ARFGAP1: variants seen among roughly 807,000 people sequenced by gnomAD.
The protein encoded by ARFGAP1 is ARF GTPase activating protein 1, also known as ADP-ribosylation factor GTPase-activating protein 1.
A neutral mutation model predicts 54.0 loss-of-function variants in ARFGAP1; 26 were observed. The ratio of observed to expected loss-of-function variants is 0.48; its 90% CI spans 0.35 to 0.67. ARFGAP1 has a LOEUF of 0.67. Ranked by LOEUF, ARFGAP1 falls within the 30% of genes least tolerant of loss-of-function variation. ARFGAP1 has a pLI of 0.00. For synonymous variants in ARFGAP1, 248 were observed against 211.9 expected (o/e 1.17, Z -1.48); for missense variants, 525 against 535.8 (o/e 0.98, Z 0.20).
At position 63,288,207 on chromosome 20, in the gene ARFGAP1, C is replaced by A. The variant is rs1384190817; in HGVS notation, c.*334C>A. The A allele has an allele frequency of 2.3e-5, 13 of 564,718 alleles. No individual in the cohort carries two copies. The East Asian group carries it at 4.8e-4, about 21-fold the overall frequency. 35.0% of individuals were successfully genotyped at this position (564,718 alleles called of 1,614,324 possible). On this transcript the variant is annotated 3_prime_UTR_variant, in exon 13 of 13. Transcript: ENST00000370283. ...TGTGACTGCGTTCCAGCGGCCAGTT[C>A]ACTACGCAGTATCTCTGGGGCCTGG...
Position 63,283,647 on chromosome 20 carries a change from G to A in ARFGAP1, c.717+796G>A. 3 of 531,126 alleles carry A rather than the reference G, an allele frequency of 5.6e-6. No homozygotes were observed. In the East Asian group the frequency reaches 9.8e-5, roughly 17 times the overall value. 32.9% of individuals were successfully genotyped at this position (531,126 alleles called of 1,614,324 possible). A position where few individuals can be genotyped will look rare whatever the true frequency, so the allele number is the denominator to read the frequency against. ...TTTTTCGTGGGCCTCCCAGGGTCCT[G>A]AGGTGCAGTCGCTCGCGCAGTTTCT... is the stretch of plus-strand genomic sequence containing the variant. On this transcript the variant is annotated intron_variant, in intron 9 of 12. Coordinates refer to ENST00000370283, the MANE Select transcript of ARFGAP1 (RefSeq NM_018209.4).
At chr20:63,283,497 C>A (rs770046804) in intron 9 of ARFGAP1, 5 of 320,358 alleles carry the variant, frequency 1.6e-5, no homozygotes, top group Non-Finnish European at 2.9e-5. Flanking sequence ...CGCCTTTGCC[C>A]CCTGGGCGAG....
intron 9 of ARFGAP1, 149 bp downstream of exon 9, chr20:63,283,000 C>T (rs1354475969): frequency 4.7e-6 from 4 of 844,048 alleles, no homozygotes; most frequent in Non-Finnish European, 7.6e-6. Flanking sequence ...GTGTTCCTGC[C>T]ATGCTGTTCC....
intron 9 of ARFGAP1, chr20:63,284,169 G>A (rs952466697): frequency 1.9e-5 from 25 of 1,304,576 alleles, no homozygotes; most frequent in Admixed American, 7.5e-5. Context: ...GCCTGCTGCC[G>A]GGGAGGTGCT....
chr20:63,278,226 C>T (rs200992487), intron 6 of ARFGAP1, 23 bp downstream of exon 6: 34 of 1,610,518 alleles, frequency 2.1e-5, no homozygotes, highest in East Asian at 1.8e-4. Flanking sequence ...GAGCTGGGGA[C>T]GCCTGGCGTG....
In ARFGAP1 at chr20:63,288,029, G is replaced by A. The variant is rs1490189561; in HGVS notation, c.*156G>A. 30 of 907,204 alleles carry A rather than the reference G, an allele frequency of 3.3e-5. No individual in the cohort carries two copies. The highest frequency in any genetic ancestry group is 1.0e-4 in the African/African-American group (6 of 59,756). 56.2% of individuals were successfully genotyped at this position (907,204 alleles called of 1,614,324 possible). Reference sequence around the variant, plus strand: ...GGACCCTAGGGAGACCCGGGTGTGCGCCGCCTGCGCGTGGGGAGTCTTCGG... The same window carrying A: ...GGACCCTAGGGAGACCCGGGTGTGCACCGCCTGCGCGTGGGGAGTCTTCGG... On this transcript the variant is annotated 3_prime_UTR_variant, in exon 13 of 13. Coordinates refer to ENST00000370283, the MANE Select transcript of ARFGAP1 (RefSeq NM_018209.4).
rs199904426 is a variant in ARFGAP1, at chr20:63,287,690, C to T, written c.1038C>T (p.Ser346=). ...EPTKTRKSPS[S]DSWTCADTST... is the part of the protein sequence containing the mutation. ...CCAAGACCCGCAAGTCCCCGAGCAGCGACAGCTGGACGTGCGCGGACACCT... is the reference window on the plus strand; with the variant it reads ...CCAAGACCCGCAAGTCCCCGAGCAGTGACAGCTGGACGTGCGCGGACACCT... The change falls in exon 13 of 13, where the codon AGC becomes AGT. Residue 346 remains serine (S), a synonymous_variant. Transcript: ENST00000370283. 1.4e-5 allele frequency: 23 copies of T among 1,612,368 alleles called. No individual in the cohort carries two copies. The highest frequency in any genetic ancestry group is 1.1e-4 in the East Asian group (5 of 44,860).
intron 7 of ARFGAP1, among the ~76,000 whole-genome samples, chr20:63,280,190 C>G (rs1474814201): frequency 6.6e-6 from 1 of 152,222 alleles, no homozygotes; most frequent in Non-Finnish European, 1.5e-5. Context: ...GTCCGTGACA[C>G]CAGCAACCTG....
intron 4 of ARFGAP1, 83 bp from the exon 5 acceptor site, chr20:63,277,122 T>TG: frequency 4.9e-6 from 6 of 1,236,930 alleles, no homozygotes; most frequent in South Asian, 1.3e-5. Context: ...AGGCGGGCCG[T>TG]GGGGGGTGCG....
intron 11 of ARFGAP1, 62 bp from the exon 12 acceptor site, chr20:63,286,304 C>T: frequency 1.2e-6 from 2 of 1,601,396 alleles, no homozygotes; most frequent in Admixed American, 1.7e-5. Context: ...CGTGTGGGGG[C>T]CTCCTGAAGC....
At chr20:63,287,275 C>T (rs2067582987) in intron 12 of ARFGAP1, among the ~76,000 whole-genome samples, 2 of 152,264 alleles carry the variant, frequency 1.3e-5, no homozygotes, top group South Asian at 4.1e-4. Context: ...TTGACTAAAC[C>T]ACTGTTTTAT....
In ARFGAP1 at chr20:63,276,484, G is replaced by A; in HGVS notation, c.175G>A (p.Val59Met). The A allele has an allele frequency of 6.2e-7, 1 of 1,611,058 alleles. No homozygotes were observed. Among genetic ancestry groups the A allele is most frequent in the South Asian group, 1.1e-5 (1 of 90,652 alleles). Residue 59 changes from valine (V) to methionine (M), a missense_variant, in exon 4 of 13, where the codon GTG (valine) becomes ATG (methionine). By Grantham distance (21) the Val-to-Met change is conservative. Transcript: ENST00000370283. This position sits in a 1 kb window ranked among gnomAD's most constrained non-coding sequence, Gnocchi z 5.2. Reference sequence around the variant, plus strand: ...GCTCGATCCTCTGCTTTCCAGCTTTGTGCGCTCTGTTACTATGGACAAGTG... The same window carrying A: ...GCTCGATCCTCTGCTTTCCAGCTTTATGCGCTCTGTTACTATGGACAAGTG... ...HRGLGVHLSF[V>M]RSVTMDKWKD... is the part of the protein sequence containing the mutation.
chr20:63,284,395 G>A lies in ARFGAP1; in HGVS notation c.718-471G>A, dbSNP rs563123469. 8.0e-5 allele frequency: 86 copies of A among 1,071,236 alleles called. No homozygotes were observed. In the African/African-American group the frequency reaches 1.3e-3, roughly 16 times the overall value. The allele number at this position is 1,071,236 out of a possible 1,614,324, so 66.4% of individuals were successfully genotyped here. ...TGTGGCCTCGACTCCACTGACCCAG[G>A]ATCAGGAGAGGCTGAGCTCCTTTCT... On this transcript the variant is annotated intron_variant, in intron 9 of 12. Coordinates refer to ENST00000370283, the MANE Select transcript of ARFGAP1 (RefSeq NM_018209.4).
rs973368261 is a variant in ARFGAP1 at position 63,272,910 on chromosome 20, C to G, written c.-15C>G. The G allele has an allele frequency of 6.6e-6, 1 of 152,166 alleles. No homozygotes were observed. The highest frequency in any genetic ancestry group is 2.4e-5 in the African/African-American group (1 of 41,446). The allele number at this position is 152,166 out of a possible 1,614,324, so 9.4% of individuals were successfully genotyped here. A position where few individuals can be genotyped will look rare whatever the true frequency, so the allele number is the denominator to read the frequency against. On this transcript the variant is annotated 5_prime_UTR_variant, in exon 1 of 13. Coordinates refer to ENST00000370283, the MANE Select transcript of ARFGAP1 (RefSeq NM_018209.4). ...CCTGACCCCGGCGGCCCTGCCCGCCCCTCCCTCCAGGTAAGCGCGCGGCTC... is the reference window on the plus strand; with the variant it reads ...CCTGACCCCGGCGGCCCTGCCCGCCGCTCCCTCCAGGTAAGCGCGCGGCTC...
intron 9 of ARFGAP1, chr20:63,283,944 C>G (rs2067454468): frequency 1.9e-6 from 3 of 1,604,434 alleles, no homozygotes; most frequent in Non-Finnish European, 2.6e-6. Context: ...TTGGCTTCCT[C>G]TGTCCCTCCT....
chr20:63,276,700 C>A lies in ARFGAP1; in HGVS notation c.342+49C>A. On this transcript the variant is annotated intron_variant, in intron 4 of 12. Transcript: ENST00000370283. The surrounding 1 kb of genome is among the most constrained non-coding windows in gnomAD (Gnocchi z 5.2). ...TTGCCCATGGTGTGGGGCTGCCCTG[C>A]CGTTTGTGGCAGCTGGACTGTGGCC... 1 of 1,543,706 alleles carries A rather than the reference C, an allele frequency of 6.5e-7. No homozygotes were observed. The highest frequency in any genetic ancestry group is 2.3e-5 in the East Asian group (1 of 44,066).
intron 10 of ARFGAP1, 62 bp downstream of exon 10, chr20:63,284,984 CA>C: frequency 4.4e-6 from 7 of 1,585,370 alleles, no homozygotes; most frequent in South Asian, 1.1e-5. Context: ...GTGGGTGTGT[CA>C]GGGGTGTTAG....
rs2067614646 is a variant in ARFGAP1, at chr20:63,288,122, T to G, written c.*249T>G. 5 of 606,328 alleles carry G rather than the reference T, an allele frequency of 8.2e-6. No homozygotes were observed. The Admixed American group carries it at 1.0e-4, about 13-fold the overall frequency. 37.6% of individuals were successfully genotyped at this position (606,328 alleles called of 1,614,324 possible). ...CCGTCCCACACTCCCCTGGGCATTC[T>G]TGGACTCAAGGCCGGGGCTCTGCGT... On this transcript the variant is annotated 3_prime_UTR_variant, in exon 13 of 13. Coordinates refer to ENST00000370283, the MANE Select transcript of ARFGAP1 (RefSeq NM_018209.4).
At chr20:63,284,691 C>T in intron 9 of ARFGAP1, 175 bp from the exon 10 acceptor site, 1 of 1,446,248 alleles carries the variant, frequency 6.9e-7, no homozygotes, top group East Asian at 2.6e-5. Context: ...TGGCGGCCTA[C>T]TGCCCTTCGG....
Sources: gnomAD v4.1 joint callset for allele counts (sites outside exome capture counted in the v4.1 genomes callset) on GRCh38, gnomAD v4.1.1 for gene constraint, Gnocchi (gnomAD v3.1) non-coding constraint, MANE v1.5 for transcripts, NCBI Gene and HGNC (gene_info 2026-07-23, HGNC 2026-07-21) for gene names.